SLC4A5: variants seen among roughly 807,000 people sequenced by gnomAD.
SLC4A5 encodes the protein solute carrier family 4 member 5.
SLC4A5 carries 96 observed loss-of-function variants against 120.4 expected under a neutral mutation model. The observed-to-expected ratio is 0.80, with a 90% CI of 0.68 to 0.94. The LOEUF is 0.94. Ranked by LOEUF, SLC4A5 falls within the 40% of genes least tolerant of loss-of-function variation. The pLI, the probability that SLC4A5 is intolerant of heterozygous loss-of-function variation, is 0.00. For missense variants in SLC4A5, 1,259 were observed against 1,459.5 expected (o/e 0.86, Z 2.24); for synonymous variants, 550 against 571.1 (o/e 0.96, Z 0.53).
In SLC4A5 at chr2:74,226,931, G is replaced by A. The variant is rs766259079; in HGVS notation, c.3090+26C>T. On this transcript the variant is annotated intron_variant, in intron 27 of 30. Transcript: ENST00000394019. ...TTGCCCAGGCCAACCTGCCAGGCAGGAGGGGGAAGCCCGTGCCCACTTTAC... is the reference window on the plus strand; with the variant it reads ...TTGCCCAGGCCAACCTGCCAGGCAGAAGGGGGAAGCCCGTGCCCACTTTAC... 6.9e-6 allele frequency: 11 copies of A among 1,604,352 alleles called. No individual in the cohort carries two copies. In the South Asian group the frequency reaches 8.9e-5, roughly 13 times the overall value.
intron 8 of SLC4A5, among the ~76,000 whole-genome samples, chr2:74,285,033 T>G (rs1051523815): frequency 1.3e-5 from 2 of 152,074 alleles, no homozygotes; most frequent in Non-Finnish European, 2.9e-5. Flanking sequence ...CTTGAACCAT[T>G]TTATATTAAA....
In SLC4A5 at chr2:74,252,877, T is replaced by C. The variant is rs148938263; in HGVS notation, c.1268+97A>G. 7.2e-4 allele frequency: 1,030 copies of C among 1,430,884 alleles called. 5 individuals carry two copies. The African/African-American group carries it at 0.013, about 18-fold the overall frequency. 88.6% of individuals were successfully genotyped at this position (1,430,884 alleles called of 1,614,324 possible). A position where few individuals can be genotyped will look rare whatever the true frequency, so the allele number is the denominator to read the frequency against. On this transcript the variant is annotated intron_variant, in intron 15 of 30. Coordinates refer to ENST00000394019, the Ensembl canonical transcript of SLC4A5. ...TGTTGAGATTACAGGCATGAGCCAC[T>C]ATGCTGAGCCTCAGATGTATTTTAA...
intron 4 of SLC4A5, among the ~76,000 whole-genome samples, chr2:74,332,718 T>G (rs918598845): frequency 6.6e-6 from 1 of 151,858 alleles, no homozygotes; most frequent in Non-Finnish European, 1.5e-5. Flanking sequence ...TGTGTGTGTG[T>G]GTGTGTGCGT....
intron 10 of SLC4A5, 49 bp downstream of exon 10, chr2:74,264,098 G>C (rs1381421487): frequency 1.3e-6 from 2 of 1,585,034 alleles, no homozygotes; most frequent in South Asian, 1.2e-5. Flanking sequence ...ACCAGGGCCT[G>C]ATACTGGCCC....
chr2:74,228,318 C>T (rs771809553), intron 25 of SLC4A5, among the ~76,000 whole-genome samples: 2 of 152,128 alleles, frequency 1.3e-5, no homozygotes, highest in Admixed American at 6.5e-5. Flanking sequence ...AGCGAGTACC[C>T]GGGACACTTA....
At chr2:74,252,239 C>T (rs1670814841) in exon 16 of SLC4A5, 2 of 1,611,398 alleles carry the variant, frequency 1.2e-6, no homozygotes, top group Admixed American at 3.3e-5. Context: ...TCCATCATCC[C>T]CGCTGCTTGT....
chr2:74,282,555 T>C (rs1671846984), intron 8 of SLC4A5, among the ~76,000 whole-genome samples: 1 of 152,222 alleles, frequency 6.6e-6, no homozygotes, highest in Non-Finnish European at 1.5e-5. Flanking sequence ...GACCCCTTTA[T>C]GTTTTAGGAG....
chr2:74,304,369 T>G, intron 7 of SLC4A5, 120 bp downstream of exon 7: 2 of 1,059,520 alleles, frequency 1.9e-6, no homozygotes, highest in Non-Finnish European at 2.7e-6. Context: ...GCCAGAGAGG[T>G]TAGGCTGAGC....
intron 5 of SLC4A5, among the ~76,000 whole-genome samples, chr2:74,321,911 G>C (rs1673109272): frequency 6.6e-6 from 1 of 151,878 alleles, no homozygotes; most frequent in African/African-American, 2.4e-5. Flanking sequence ...TAGCCAATGA[G>C]ATTTAGGTGG....
chr2:74,269,854 C>A (rs1671418918), intron 8 of SLC4A5, among the ~76,000 whole-genome samples: 1 of 152,168 alleles, frequency 6.6e-6, no homozygotes, highest in Non-Finnish European at 1.5e-5. Context: ...TGCAACTCCA[C>A]CTGAAGGAGT....
intron 7 of SLC4A5, among the ~76,000 whole-genome samples, chr2:74,303,881 G>A (rs1026109690): frequency 1.4e-5 from 2 of 147,474 alleles, no homozygotes; most frequent in African/African-American, 2.5e-5. Context: ...ACGGAGTCTC[G>A]CTCTGTCGCC....
intron 28 of SLC4A5, 55 bp from the exon 29 acceptor site, chr2:74,223,007 C>A: frequency 4.3e-6 from 4 of 920,780 alleles, no homozygotes; most frequent in Non-Finnish European, 6.3e-6. Flanking sequence ...ATTTGGCTTT[C>A]TTTTTTTTTT....
intron 25 of SLC4A5, among the ~76,000 whole-genome samples, chr2:74,229,104 C>CTTTTTT (rs55689286): frequency 2.0e-5 from 2 of 98,590 alleles, no homozygotes; most frequent in Non-Finnish European, 3.5e-5. Flanking sequence ...TAGATTTGAG[C>CTTTTTT]TTTTTTTTTT....
At chr2:74,221,647 G>C in intron 29 of SLC4A5, 146 bp from the exon 30 acceptor site, 1 of 790,560 alleles carries the variant, frequency 1.3e-6, no homozygotes, top group Non-Finnish European at 2.1e-6. Context: ...GAGATGTGTG[G>C]CTTCGGGCTT....
chr2:74,248,250 C>T, intron 18 of SLC4A5, 103 bp downstream of exon 18: 1 of 1,458,344 alleles, frequency 6.9e-7, no homozygotes, highest in Non-Finnish European at 9.2e-7. Context: ...GCTTTGGCAC[C>T]ACCGCACCAC....
At chr2:74,288,938 C>A (rs946826705) in intron 7 of SLC4A5, among the ~76,000 whole-genome samples, 1 of 152,240 alleles carries the variant, frequency 6.6e-6, no homozygotes, top group African/African-American at 2.4e-5. Context: ...TTCTTTTTCA[C>A]AATTCATGTC....
At chr2:74,307,707 T>C (rs1672689015) in intron 6 of SLC4A5, 1 of 828,072 alleles carries the variant, frequency 1.2e-6, no homozygotes, top group Non-Finnish European at 2.0e-6. Flanking sequence ...GTTATCAGTC[T>C]CCAGGCTCCT....
intron 7 of SLC4A5, among the ~76,000 whole-genome samples, chr2:74,297,900 T>C (rs1159605524): frequency 1.8e-4 from 28 of 152,180 alleles, no homozygotes. Context: ...ATGAGGCAAT[T>C]TGGCTACTTG....
At chr2:74,231,385 G>T in intron 24 of SLC4A5, 77 bp from the exon 25 acceptor site, 1 of 1,361,318 alleles carries the variant, frequency 7.3e-7, no homozygotes, top group South Asian at 1.4e-5. Flanking sequence ...CCCCTCTGTG[G>T]GCACCTGAAG....
Sources: gnomAD v4.1 joint callset for allele counts (sites outside exome capture counted in the v4.1 genomes callset) on GRCh38, gnomAD v4.1.1 for gene constraint, MANE v1.5 for transcripts, NCBI Gene and HGNC (gene_info 2026-07-23, HGNC 2026-07-21) for gene names.